Variants in RAB3GAP1 observed in about 807,000 individuals in gnomAD.
RAB3GAP1 encodes the protein rab3 GTPase-activating protein catalytic subunit.
In RAB3GAP1, 86 loss-of-function variants were observed where a neutral mutation model predicts 130.7. The observed-to-expected ratio is 0.66, with a 90% CI of 0.55 to 0.79. The LOEUF (loss-of-function observed/expected upper bound fraction) is 0.79. Among genes scored for constraint, RAB3GAP1 ranks in the 30% least tolerant of loss-of-function variants. The pLI, the probability that RAB3GAP1 is intolerant of heterozygous loss-of-function variation, is 0.00. For synonymous variants in RAB3GAP1, 367 were observed against 401.7 expected, an observed-to-expected ratio of 0.91 and a Z score of 1.03; for missense variants, 1,029 against 1,169.4, an observed-to-expected ratio of 0.88 and a Z score of 1.75.
chr2:135,174,912 C>A (rs1573631718), downstream of RAB3GAP1, among the ~76,000 whole-genome samples: 1 of 152,208 alleles, frequency 6.6e-6, no homozygotes, highest in Non-Finnish European at 1.5e-5. Context: ...GCCACTGAGG[C>A]TGGGTTGGGA....
rs1161256397 is a variant in RAB3GAP1 at position 135,124,265 on chromosome 2, C to T, written c.830+19C>T. The stretch of plus-strand genomic sequence containing the variant: ...CTATTAGGTGAGAATTTCAACCTGT[C>T]ATTTGAATTGTGGGAATATTTTACT... On this transcript the variant is annotated intron_variant, in intron 9 of 23. Transcript: ENST00000264158. 6 of 1,600,082 alleles carry T rather than the reference C, an allele frequency of 3.7e-6. No homozygotes were observed. The highest frequency in any genetic ancestry group is 5.1e-6 in the Non-Finnish European group (6 of 1,167,394).
intron 17 of RAB3GAP1, among the ~76,000 whole-genome samples, chr2:135,142,210 T>C (rs1010391103): frequency 2.0e-5 from 3 of 152,234 alleles, no homozygotes; most frequent in Non-Finnish European, 4.4e-5. Flanking sequence ...TGTTCATTTA[T>C]CTCATTAGTG....
intron 3 of RAB3GAP1, among the ~76,000 whole-genome samples, chr2:135,084,362 C>T (rs925805535): frequency 5.9e-5 from 9 of 152,250 alleles, no homozygotes; most frequent in African/African-American, 2.2e-4. Flanking sequence ...CATCTTCTCC[C>T]GTTCTCTATA....
chr2:135,053,353 A>C (rs1162268938), intron 2 of RAB3GAP1, among the ~76,000 whole-genome samples: 2 of 152,266 alleles, frequency 1.3e-5, no homozygotes, highest in Non-Finnish European at 2.9e-5. Context: ...TACTGTGCCC[A>C]GGCTTCCTGT....
At position 135,075,111 on chromosome 2, in the gene RAB3GAP1, A is replaced by T. The variant is rs1481731314; in HGVS notation, c.151-15887A>T. On this transcript the variant is annotated intron_variant, in intron 3 of 23. Coordinates refer to ENST00000264158, the MANE Select transcript of RAB3GAP1 (RefSeq NM_012233.3). Reference sequence around the variant, plus strand: ...CAGTAAAATGTAAGAAAAGTTAAGTAAACACTTTAAAATTATATGGGGAAA... The same window carrying T: ...CAGTAAAATGTAAGAAAAGTTAAGTTAACACTTTAAAATTATATGGGGAAA... Among the ~76,000 whole-genome samples the T allele has an allele frequency of 2.0e-5, 3 of 152,226 alleles. No homozygotes were observed. In the East Asian group the frequency reaches 5.8e-4, roughly 29 times the overall value.
intron 3 of RAB3GAP1, among the ~76,000 whole-genome samples, chr2:135,064,543 C>T (rs1180671416): frequency 6.6e-6 from 1 of 152,030 alleles, no homozygotes; most frequent in East Asian, 1.9e-4. Flanking sequence ...TTATGAAAAA[C>T]TTCCAATTCT....
intron 5 of RAB3GAP1, among the ~76,000 whole-genome samples, chr2:135,103,688 A>G (rs555561931): frequency 6.6e-6 from 1 of 151,878 alleles, no homozygotes; most frequent in Non-Finnish European, 1.5e-5. Flanking sequence ...TGAAAATACC[A>G]CCTCTGTTGC....
At chr2:135,139,692 T>C (rs1284872817) in intron 17 of RAB3GAP1, among the ~76,000 whole-genome samples, 2 of 152,214 alleles carry the variant, frequency 1.3e-5, no homozygotes, top group African/African-American at 4.8e-5. Context: ...AATAAAACTT[T>C]CTGTGAAGAT....
rs1412763773 is a variant in RAB3GAP1 at position 135,132,988 on chromosome 2, AGTT to A, written c.1326+6_1326+8del. ...TCCATCAGAGAGTGAAGACTATGTA[AGTT>A]GATGTGGAGTTCAATGTTAAAATGT... is the stretch of plus-strand genomic sequence containing the variant. On this transcript the variant is annotated splice_donor_5th_base_variant and intron_variant, in intron 14 of 23. Coordinates refer to ENST00000264158, the MANE Select transcript of RAB3GAP1 (RefSeq NM_012233.3). 2.0e-6 allele frequency: 3 copies of A among 1,501,514 alleles called. No individual in the cohort carries two copies. The highest frequency in any genetic ancestry group is 2.8e-6 in the Non-Finnish European group (3 of 1,078,354). The allele number at this position is 1,501,514 out of a possible 1,614,324, so 93.0% of individuals were successfully genotyped here. A position where few individuals can be genotyped will look rare whatever the true frequency, so the allele number is the denominator to read the frequency against.
intron 3 of RAB3GAP1, among the ~76,000 whole-genome samples, chr2:135,081,306 CAAAAAA>C (rs1169138978): frequency 0.02 from 260 of 13,136 alleles, 6 homozygotes; most frequent in African/African-American, 0.066. Context: ...GACTCCGTCT[CAAAAAA>C]AAAAAAAAAA....
chr2:135,088,705 A>G (rs536358317), intron 3 of RAB3GAP1, among the ~76,000 whole-genome samples: 89 of 151,132 alleles, frequency 5.9e-4, no homozygotes, highest in African/African-American at 1.4e-3. Flanking sequence ...AAAAAAAAAA[A>G]AAAGAAAGAA....
At chr2:135,139,385 A>G (rs1353804509) in intron 17 of RAB3GAP1, among the ~76,000 whole-genome samples, 1 of 151,974 alleles carries the variant, frequency 6.6e-6, no homozygotes, top group African/African-American at 2.4e-5. Flanking sequence ...TACAAAAAAT[A>G]CAGAAATTAG....
At chr2:135,130,829 A>G in intron 13 of RAB3GAP1, 108 bp downstream of exon 13, 2 of 1,016,016 alleles carry the variant, frequency 2.0e-6, no homozygotes, top group South Asian at 2.9e-5. Flanking sequence ...ACAATGAGTA[A>G]AACAGTTACC....
At chr2:135,116,470 G>T (rs2104918443) in intron 7 of RAB3GAP1, among the ~76,000 whole-genome samples, 1 of 152,256 alleles carries the variant, frequency 6.6e-6, no homozygotes, top group East Asian at 1.9e-4. Flanking sequence ...AAGCAATTCA[G>T]ATTTAAGGAG....
Position 135,052,485 on chromosome 2 carries a change from G to A in RAB3GAP1, c.74G>A (p.Arg25Lys), listed in dbSNP as rs1445752209. ...TDFTTASEWERFISKVEEVLN... is the reference protein window; with the variant it reads ...TDFTTASEWEKFISKVEEVLN... ...TTCACCACTGCCTCGGAATGGGAAA[G>A]GTGAGTGAATCGCATTTTTGGTTAC... Residue 25 changes from arginine to lysine, a missense_variant and splice_region_variant, in exon 2 of 24, where the codon AGG becomes AAG. Transcript: ENST00000264158. The A allele has an allele frequency of 3.1e-6, 5 of 1,613,482 alleles. No homozygotes were observed. The African/African-American group carries it at 5.3e-5, about 17-fold the overall frequency.
chr2:135,084,674 G>A (rs1689925201), intron 3 of RAB3GAP1, among the ~76,000 whole-genome samples: 1 of 151,888 alleles, frequency 6.6e-6, no homozygotes, highest in South Asian at 2.1e-4. Context: ...ATATTTTCTA[G>A]TACCTTTGGA....
At chr2:135,082,938 A>G (rs1689869202) in intron 3 of RAB3GAP1, among the ~76,000 whole-genome samples, 1 of 152,176 alleles carries the variant, frequency 6.6e-6, no homozygotes, top group Non-Finnish European at 1.5e-5. Context: ...CATATTAGCA[A>G]ATGTCCTACA....
intron 5 of RAB3GAP1, among the ~76,000 whole-genome samples, chr2:135,099,421 A>G (rs1690389707): frequency 6.8e-6 from 1 of 146,194 alleles, no homozygotes; most frequent in South Asian, 2.2e-4. Context: ...TTGTGGTGCA[A>G]TTTGTATTTC....
chr2:135,107,324 T>A (rs1025648475), intron 5 of RAB3GAP1, among the ~76,000 whole-genome samples: 8 of 152,034 alleles, frequency 5.3e-5, no homozygotes, highest in African/African-American at 1.9e-4. Flanking sequence ...TCTCATAATT[T>A]AAAAAAAGCG....
Sources: gnomAD v4.1 joint callset for allele counts (sites outside exome capture counted in the v4.1 genomes callset) on GRCh38, gnomAD v4.1.1 for gene constraint, MANE v1.5 for transcripts, NCBI Gene and HGNC (gene_info 2026-07-23, HGNC 2026-07-21) for gene names.